Variants in VWA8 observed in about 807,000 individuals in gnomAD.
VWA8 encodes von Willebrand factor A domain-containing protein 8.
Under a neutral mutation model 241.5 loss-of-function variants are expected in VWA8, and 221 were observed. That is an observed-to-expected ratio of 0.91 (90% CI 0.82 to 1.02). VWA8 has a LOEUF of 1.02. Among genes scored for constraint, VWA8 ranks in the 50% least tolerant of loss-of-function variants. VWA8 has a pLI of 0.00. For synonymous variants in VWA8, 852 were observed against 827.1 expected (o/e 1.03, Z -0.52); for missense variants, 2,322 against 2,328.7 (o/e 1.00, Z 0.06).
At position 41,866,081 on chromosome 13, in the gene VWA8, C is replaced by T. The variant is rs371267934; in HGVS notation, c.1213-45G>A. ...AATATAACATGGCCAGATGTGGTGGCTCACGCCTATAATCCCAACACTTTG... is the reference window on the plus strand; with the variant it reads ...AATATAACATGGCCAGATGTGGTGGTTCACGCCTATAATCCCAACACTTTG... On this transcript the variant is annotated intron_variant, in intron 10 of 44. Transcript: ENST00000379310. 31 of 1,601,490 alleles carry T rather than the reference C, an allele frequency of 1.9e-5. No individual in the cohort carries two copies. In the African/African-American group the frequency reaches 4.0e-4, roughly 21 times the overall value.
intron 41 of VWA8, among the ~76,000 whole-genome samples, chr13:41,588,723 A>G (rs868806081): frequency 1.7e-5 from 2 of 116,868 alleles, no homozygotes; most frequent in African/African-American, 7.3e-5. Context: ...CTGTCTCTAG[A>G]AAAAAAAAAA....
intron 39 of VWA8, among the ~76,000 whole-genome samples, chr13:41,608,135 G>A (rs1172755867): frequency 2.0e-5 from 3 of 152,270 alleles, no homozygotes; most frequent in East Asian, 1.9e-4. Flanking sequence ...TCTTTGCAGA[G>A]TGATCAGAAT....
intron 4 of VWA8, among the ~76,000 whole-genome samples, chr13:41,894,030 A>C (rs1423601224): frequency 6.6e-6 from 1 of 152,224 alleles, no homozygotes; most frequent in African/African-American, 2.4e-5. Context: ...AAGAAATCTA[A>C]AACTTTTAGC....
intron 40 of VWA8, among the ~76,000 whole-genome samples, chr13:41,598,573 T>C (rs2044502405): frequency 6.6e-6 from 1 of 152,042 alleles, no homozygotes; most frequent in Non-Finnish European, 1.5e-5. Context: ...TACAAATATA[T>C]ATATTTATTT....
At chr13:41,590,814 G>C (rs1484899035) in intron 40 of VWA8, 49 bp from the exon 41 acceptor site, 4 of 1,598,626 alleles carry the variant, frequency 2.5e-6, no homozygotes, top group Non-Finnish European at 1.7e-6. Context: ...GTTATGCAGA[G>C]TCTCTGACAT....
At chr13:41,577,021 A>T (rs1056771068) in intron 42 of VWA8, among the ~76,000 whole-genome samples, 6 of 152,260 alleles carry the variant, frequency 3.9e-5, no homozygotes, top group Admixed American at 3.9e-4. Flanking sequence ...GGGTGCTCAC[A>T]CAATTGGCCA....
intron 23 of VWA8, among the ~76,000 whole-genome samples, chr13:41,727,699 T>C (rs1025873901): frequency 3.3e-5 from 5 of 152,210 alleles, no homozygotes; most frequent in Non-Finnish European, 5.9e-5. Flanking sequence ...ATAAGTTCTT[T>C]AGTTTTTATC....
chr13:41,930,921 C>T (rs192131546), intron 2 of VWA8, among the ~76,000 whole-genome samples: 9 of 152,002 alleles, frequency 5.9e-5, no homozygotes, highest in South Asian at 2.1e-4. Context: ...GAGGCCGAGG[C>T]GGGCGGATCA....
chr13:41,816,617 A>G (rs939003777), intron 16 of VWA8, 81 bp downstream of exon 16: 2 of 1,352,768 alleles, frequency 1.5e-6, no homozygotes, highest in Admixed American at 2.0e-5. Flanking sequence ...TAAAAAATAG[A>G]TTTTAAGTAC....
At chr13:41,953,189 A>AT (rs1217080813) in intron 1 of VWA8, among the ~76,000 whole-genome samples, 9 of 152,190 alleles carry the variant, frequency 5.9e-5, no homozygotes, top group African/African-American at 1.9e-4. Flanking sequence ...GATAAGGATA[A>AT]TTTTTTCTCA....
At chr13:41,933,637 G>A (rs1360035474) in intron 2 of VWA8, among the ~76,000 whole-genome samples, 1 of 151,812 alleles carries the variant, frequency 6.6e-6, no homozygotes, top group Non-Finnish European at 1.5e-5. Context: ...GAACAGAACA[G>A]AGTCTAAAAA....
rs768346441 is a variant in VWA8 at position 41,691,326 on chromosome 13, G to T, written c.3860C>A (p.Thr1287Lys). 1.2e-6 allele frequency: 2 copies of T among 1,611,978 alleles called. No homozygotes were observed. Among genetic ancestry groups the T allele is most frequent in the East Asian group, 4.5e-5 (2 of 44,820 alleles). The change falls in exon 32 of 45, where the codon ACA becomes AAA. Residue 1287 changes from threonine (T) to lysine (K), a missense_variant. Coordinates refer to ENST00000379310, the MANE Select transcript of VWA8 (RefSeq NM_015058.2). ...ACTATATAAAGCCACTCACTGATTT[G>T]TTTTGCTCTCCACCAGAAGCCATTT... ...EDKWLLVESK[T>K]NQKYLLTKPA...
intron 37 of VWA8, among the ~76,000 whole-genome samples, chr13:41,640,726 C>G (rs142446132): frequency 1.3e-5 from 2 of 152,124 alleles, no homozygotes; most frequent in South Asian, 4.1e-4. Context: ...ATGTTCAAAA[C>G]AGAACATACA....
intron 21 of VWA8, among the ~76,000 whole-genome samples, chr13:41,758,036 C>T (rs2045706421): frequency 6.6e-6 from 1 of 151,188 alleles, no homozygotes; most frequent in African/African-American, 2.4e-5. Context: ...CTTCTATTTC[C>T]AGATAATGTA....
At chr13:41,716,436 C>G (rs2045348372) in intron 26 of VWA8, among the ~76,000 whole-genome samples, 1 of 151,932 alleles carries the variant, frequency 6.6e-6, no homozygotes, top group Admixed American at 6.6e-5. Context: ...TGCCAAAGAA[C>G]ACAAAAATAA....
At chr13:41,813,660 A>G (rs1230830770) in intron 16 of VWA8, among the ~76,000 whole-genome samples, 3 of 152,134 alleles carry the variant, frequency 2.0e-5, no homozygotes, top group South Asian at 4.1e-4. Flanking sequence ...TTGAACACCA[A>G]TTCTCCAGTT....
intron 38 of VWA8, among the ~76,000 whole-genome samples, chr13:41,612,549 GTC>G (rs2044596395): frequency 6.6e-6 from 1 of 152,194 alleles, no homozygotes; most frequent in Non-Finnish European, 1.5e-5. Context: ...GATTTACCTT[GTC>G]TAAATACATG....
intron 24 of VWA8, among the ~76,000 whole-genome samples, chr13:41,726,248 T>G (rs1402025317): frequency 6.6e-6 from 1 of 152,230 alleles, no homozygotes; most frequent in Non-Finnish European, 1.5e-5. Context: ...ATATTAGGGT[T>G]GTTTCCATTC....
chr13:41,719,332 G>A (rs1250301567), intron 26 of VWA8: 2 of 1,290,294 alleles, frequency 1.6e-6, no homozygotes, highest in African/African-American at 1.5e-5. Context: ...AAAGGACTGA[G>A]ACTGTTAAAG....
Sources: gnomAD v4.1 joint callset for allele counts (sites outside exome capture counted in the v4.1 genomes callset) on GRCh38, gnomAD v4.1.1 for gene constraint, MANE v1.5 for transcripts, NCBI Gene and HGNC (gene_info 2026-07-23, HGNC 2026-07-21) for gene names.